Variants in PTPRD observed in about 807,000 individuals in gnomAD.
PTPRD encodes the protein protein tyrosine phosphatase receptor type D.
A neutral mutation model predicts 214.5 loss-of-function variants in PTPRD; 34 were observed. The observed-to-expected ratio is 0.16, with a 90% CI of 0.12 to 0.21. The LOEUF is 0.21. PTPRD is among the 10% of genes least tolerant of loss of function. The pLI is 1.00. For synonymous variants in PTPRD, 1,128 were observed against 845.7 expected (o/e 1.33, Z -5.79); for missense variants, 2,545 against 2,398.7 (o/e 1.06, Z -1.27).
intron 14 of PTPRD, among the ~76,000 whole-genome samples, chr9:8,545,792 A>C (rs914103640): frequency 1.3e-5 from 2 of 152,244 alleles, no homozygotes; most frequent in Admixed American, 6.5e-5. Flanking sequence ...ATACTTGTTT[A>C]TAATTTCATA....
chr9:10,141,567 G>C (rs187900676), intron 3 of PTPRD, among the ~76,000 whole-genome samples: 13 of 151,956 alleles, frequency 8.6e-5, no homozygotes, highest in African/African-American at 2.7e-4. Flanking sequence ...CCTCTCCAAG[G>C]AGAACTACAA....
intron 3 of PTPRD, among the ~76,000 whole-genome samples, chr9:10,327,317 T>A (rs1261531140): frequency 1.3e-5 from 2 of 151,358 alleles, no homozygotes; most frequent in Non-Finnish European, 3.0e-5. Flanking sequence ...GCAGTTGATT[T>A]ATCTAATAGA....
chr9:9,123,953 G>T (rs1474429685), intron 10 of PTPRD, among the ~76,000 whole-genome samples: 1 of 150,160 alleles, frequency 6.7e-6, no homozygotes, highest in Non-Finnish European at 1.5e-5. Context: ...CTCAGAAAAA[G>T]TAAATTGACC....
At chr9:9,282,872 G>A (rs1281262718) in intron 9 of PTPRD, among the ~76,000 whole-genome samples, 1 of 151,470 alleles carries the variant, frequency 6.6e-6, no homozygotes, top group African/African-American at 2.4e-5. Flanking sequence ...TCTGTTAGGA[G>A]CACATTATAA....
chr9:8,895,645 T>A (rs1196767452), intron 11 of PTPRD, among the ~76,000 whole-genome samples: 1 of 152,204 alleles, frequency 6.6e-6, no homozygotes, highest in Non-Finnish European at 1.5e-5. Flanking sequence ...CGCTTTTTAA[T>A]GCTCAGATAA....
intron 10 of PTPRD, among the ~76,000 whole-genome samples, chr9:9,036,383 T>A (rs1339897706): frequency 6.6e-6 from 1 of 151,912 alleles, no homozygotes; most frequent in East Asian, 1.9e-4. Flanking sequence ...GAAGTGATTG[T>A]TAAAAATATA....
At chr9:8,959,294 C>A (rs936898722) in intron 11 of PTPRD, among the ~76,000 whole-genome samples, 2 of 151,942 alleles carry the variant, frequency 1.3e-5, no homozygotes, top group African/African-American at 4.8e-5. Context: ...AATGGGGAAA[C>A]AACTTACAGT....
chr9:8,693,978 T>A (rs1228745011), intron 12 of PTPRD, among the ~76,000 whole-genome samples: 3 of 152,230 alleles, frequency 2.0e-5, no homozygotes, highest in African/African-American at 7.2e-5. Flanking sequence ...AGATAATTTT[T>A]ACTTTACAAA....
At chr9:8,933,339 GGTTTTTT>G (rs1231166478) in intron 11 of PTPRD, among the ~76,000 whole-genome samples, 10 of 68,816 alleles carry the variant, frequency 1.5e-4, no homozygotes, top group Non-Finnish European at 9.6e-5. Context: ...ACAACCTTGA[GGTTTTTT>G]TTTTTTTTTT....
In PTPRD at chr9:9,807,636, T is replaced by A. The variant is rs374602738; in HGVS notation, c.-367-40785A>T. ...TCTTGCTTTTATTATTATTTACACATTGCTCTAGCATATTCACTTCGGAAA... is the reference window on the plus strand; with the variant it reads ...TCTTGCTTTTATTATTATTTACACAATGCTCTAGCATATTCACTTCGGAAA... On this transcript the variant is annotated intron_variant, in intron 5 of 45. Transcript: ENST00000381196. Among the ~76,000 whole-genome samples, 10 of 152,190 alleles carry A rather than the reference T, an allele frequency of 6.6e-5. 1 individual carries two copies. Among genetic ancestry groups the A allele is most frequent in the Admixed American group, 5.9e-4 (9 of 15,276 alleles).
chr9:9,286,160 C>T (rs906158272), intron 9 of PTPRD, among the ~76,000 whole-genome samples: 1 of 151,830 alleles, frequency 6.6e-6, no homozygotes, highest in African/African-American at 2.4e-5. Flanking sequence ...TTTCATTGGT[C>T]ATAATAGCCA....
intron 11 of PTPRD, among the ~76,000 whole-genome samples, chr9:8,889,949 G>T (rs2098524459): frequency 6.6e-6 from 1 of 152,234 alleles, no homozygotes; most frequent in East Asian, 1.9e-4. Flanking sequence ...TTCATATAAT[G>T]ACTCCTTTTC....
At chr9:10,568,463 A>C (rs1380735059) in intron 2 of PTPRD, among the ~76,000 whole-genome samples, 1 of 152,004 alleles carries the variant, frequency 6.6e-6, no homozygotes, top group Non-Finnish European at 1.5e-5. Flanking sequence ...ATGATTTATA[A>C]TCCTTTGGGT....
chr9:9,947,287 G>A (rs1233493817), intron 4 of PTPRD, among the ~76,000 whole-genome samples: 1 of 90,396 alleles, frequency 1.1e-5, no homozygotes, highest in Non-Finnish European at 2.0e-5. Context: ...CATGTGCTCT[G>A]GAGATTATAT....
intron 14 of PTPRD, among the ~76,000 whole-genome samples, chr9:8,542,136 T>C (rs1193331367): frequency 6.6e-6 from 1 of 152,070 alleles, no homozygotes; most frequent in Admixed American, 6.6e-5. Context: ...ACATAAAGGA[T>C]TGCGATCTTT....
intron 3 of PTPRD, among the ~76,000 whole-genome samples, chr9:10,336,651 G>C (rs538660034): frequency 6.6e-6 from 1 of 151,518 alleles, no homozygotes. Context: ...GTCTGTCCTA[G>C]ATGGTTGGAA....
At chr9:10,507,581 C>G (rs1250348015) in intron 2 of PTPRD, among the ~76,000 whole-genome samples, 2 of 151,970 alleles carry the variant, frequency 1.3e-5, no homozygotes, top group Admixed American at 1.3e-4. Flanking sequence ...AAACAGCATG[C>G]CACTGGTACC....
intron 14 of PTPRD, among the ~76,000 whole-genome samples, chr9:8,607,339 A>C (rs1294419420): frequency 2.0e-5 from 3 of 152,170 alleles, no homozygotes; most frequent in African/African-American, 7.2e-5. Context: ...CAAATTAAAA[A>C]ATTCATAAAA....
chr9:10,583,261 G>A (rs988549963), intron 2 of PTPRD, among the ~76,000 whole-genome samples: 2 of 152,106 alleles, frequency 1.3e-5, no homozygotes, highest in African/African-American at 4.8e-5. Context: ...CAAATAGCGG[G>A]TGACCTACCT....
Sources: gnomAD v4.1 joint callset for allele counts (sites outside exome capture counted in the v4.1 genomes callset) on GRCh38, gnomAD v4.1.1 for gene constraint, MANE v1.5 for transcripts, NCBI Gene and HGNC (gene_info 2026-07-23, HGNC 2026-07-21) for gene names.